The following COG6 variants were observed in gnomAD, a reference collection of about 807,000 sequenced individuals.
COG6 encodes conserved oligomeric Golgi complex subunit 6.
A neutral mutation model predicts 88.8 loss-of-function variants in COG6; 74 were observed. The observed-to-expected ratio is 0.83, with a 90% CI of 0.69 to 1.01. The LOEUF is 1.01. Ranked by LOEUF, COG6 falls within the 50% of genes least tolerant of loss-of-function variation. The pLI is 0.00. For synonymous variants in COG6, 286 were observed against 278.7 expected, an observed-to-expected ratio of 1.03 and a Z score of -0.26; for missense variants, 800 against 797.9, an observed-to-expected ratio of 1.00 and a Z score of -0.03.
At chr13:39,758,304 A>G (rs1880910673) in intron 18 of COG6, among the ~76,000 whole-genome samples, 1 of 149,996 alleles carries the variant, frequency 6.7e-6, no homozygotes, top group Admixed American at 6.7e-5. Flanking sequence ...AGATTGCTGG[A>G]GGCCAGGAAT....
chr13:39,723,840 G>A (rs1344668418), intron 16 of COG6, among the ~76,000 whole-genome samples: 1 of 151,972 alleles, frequency 6.6e-6, no homozygotes, highest in Admixed American at 6.6e-5. Context: ...TGAATGCATA[G>A]ATTACTGTAT....
rs1878741039 is a variant in COG6 at position 39,719,671 on chromosome 13, T to C, written c.1428T>C (p.Cys476=). 6.2e-7 allele frequency: 1 copy of C among 1,612,436 alleles called. No homozygotes were observed. Among genetic ancestry groups the C allele is most frequent in the East Asian group, 2.2e-5 (1 of 44,832 alleles). ...TTTTTCATTTGTAGGTTTTATCATG[T>C]GTCTTGGATCCTCTCCTACAGATGT... ...RQADFVQVLS[C]VLDPLLQMCT... Residue 476 remains cysteine, a synonymous_variant, in exon 15 of 19, where the codon TGT becomes TGC. Transcript: ENST00000455146.
At chr13:39,733,531 T>C (rs988144071) in intron 18 of COG6, among the ~76,000 whole-genome samples, 2 of 151,924 alleles carry the variant, frequency 1.3e-5, no homozygotes, top group Non-Finnish European at 2.9e-5. Flanking sequence ...TGCTTTTCTC[T>C]ATTATTTTGA....
At chr13:39,656,337 C>A in intron 1 of COG6, 3 of 359,616 alleles carry the variant, frequency 8.3e-6, no homozygotes, top group South Asian at 2.1e-5. Flanking sequence ...TGCATTTCCA[C>A]GGACAAGTGA....
chr13:39,699,077 A>G (rs1422759736), intron 12 of COG6, among the ~76,000 whole-genome samples: 1 of 151,872 alleles, frequency 6.6e-6, no homozygotes, highest in Non-Finnish European at 1.5e-5. Context: ...AGTTTTAATT[A>G]AAAGAATAAC....
intron 4 of COG6, among the ~76,000 whole-genome samples, chr13:39,676,439 A>G (rs764526773): frequency 6.6e-6 from 1 of 152,140 alleles, no homozygotes; most frequent in Non-Finnish European, 1.5e-5. Context: ...AGAACATGAC[A>G]TTTAAATCTG....
In COG6 at chr13:39,752,552, G is replaced by A; in HGVS notation, c.*1459G>A. The stretch of plus-strand genomic sequence containing the variant: ...AGAAAGAAGATTGATACCTTGCTAT[G>A]AGTGAATTCCTTTGTTTTATAGGGA... On this transcript the variant is annotated 3_prime_UTR_variant, in exon 19 of 19. Coordinates refer to ENST00000455146, the MANE Select transcript of COG6 (RefSeq NM_020751.3). 8.0e-7 allele frequency: 1 copy of A among 1,242,814 alleles called. No homozygotes were observed. The highest frequency in any genetic ancestry group is 1.0e-6 in the Non-Finnish European group (1 of 953,204). 77.0% of individuals were successfully genotyped at this position (1,242,814 alleles called of 1,614,324 possible). A position where few individuals can be genotyped will look rare whatever the true frequency, so the allele number is the denominator to read the frequency against.
intron 18 of COG6, among the ~76,000 whole-genome samples, chr13:39,768,914 T>G (rs145986027): frequency 6.6e-6 from 1 of 152,290 alleles, no homozygotes; most frequent in African/African-American, 2.4e-5. Context: ...CTTGATTTTT[T>G]TAAGGTTTTA....
chr13:39,767,520 A>G (rs1881200732), intron 18 of COG6, among the ~76,000 whole-genome samples: 1 of 152,142 alleles, frequency 6.6e-6, no homozygotes, highest in African/African-American at 2.4e-5. Context: ...GGAGGTGGCA[A>G]TGGCAGGAAA....
downstream of COG6, among the ~76,000 whole-genome samples, chr13:39,755,899 A>AT (rs1383184322): frequency 2.6e-5 from 4 of 152,220 alleles, no homozygotes; most frequent in African/African-American, 4.8e-5. Flanking sequence ...AAGAATGTAG[A>AT]TTTTACAGAA....
chr13:39,725,004 C>CT (rs1264787308), intron 17 of COG6, among the ~76,000 whole-genome samples: 3 of 151,880 alleles, frequency 2.0e-5, no homozygotes, highest in Admixed American at 6.6e-5. Context: ...TGAATTTCCA[C>CT]TTTATTACCT....
chr13:39,714,283 G>C (rs1417436460), intron 13 of COG6, among the ~76,000 whole-genome samples: 1 of 151,206 alleles, frequency 6.6e-6, no homozygotes, highest in South Asian at 2.1e-4. Flanking sequence ...AAATAAATGG[G>C]ATCTAATTAA....
chr13:39,701,162 A>G (rs1401177407), intron 13 of COG6, among the ~76,000 whole-genome samples: 1 of 151,864 alleles, frequency 6.6e-6, no homozygotes, highest in Non-Finnish European at 1.5e-5. Context: ...CATGAAGGGT[A>G]AAGGTAAAAT....
At chr13:39,790,229 T>C (rs1881900197) in exon 19 of COG6, 1 of 150,540 alleles carries the variant, frequency 6.6e-6, no homozygotes, top group Admixed American at 6.6e-5. Context: ...AATTATGTAA[T>C]TTGTTTTTCT....
At chr13:39,678,018 T>TCTTTATC (rs1314757011) in intron 5 of COG6, 8 of 440,934 alleles carry the variant, frequency 1.8e-5, no homozygotes, top group Non-Finnish European at 3.2e-5. Flanking sequence ...ACATATGTTC[T>TCTTTATC]CTTTATCTCC....
At chr13:39,790,222 T>G (rs111288260) in exon 19 of COG6, 2 of 152,094 alleles carry the variant, frequency 1.3e-5, no homozygotes, top group Non-Finnish European at 2.9e-5. Context: ...TTGAACAAAT[T>G]ATGTAATTTG....
At chr13:39,701,780 C>T (rs540860148) in intron 13 of COG6, among the ~76,000 whole-genome samples, 14 of 151,300 alleles carry the variant, frequency 9.3e-5, no homozygotes, top group East Asian at 1.9e-4. Flanking sequence ...GCATATTACC[C>T]AAAGCTTTAC....
rs1473263538 is a variant in COG6, at chr13:39,723,361, A to G, written c.1613A>G (p.Asn538Ser). Residue 538 changes from asparagine (N) to serine (S), a missense_variant, in exon 16 of 19, where the codon AAT becomes AGT. By Grantham distance (46) the Asn-to-Ser change is conservative. Coordinates refer to ENST00000455146, the MANE Select transcript of COG6 (RefSeq NM_020751.3). Reference sequence around the variant, plus strand: ...GAAGCACATTTGGACACACTTATAAATGAGCAAGCCTCTTATGTTTTAACT... The same window carrying G: ...GAAGCACATTTGGACACACTTATAAGTGAGCAAGCCTCTTATGTTTTAACT... ...QIEAHLDTLI[N>S]EQASYVLTRV... The G allele has an allele frequency of 6.2e-7, 1 of 1,610,818 alleles. No homozygotes were observed. The highest frequency in any genetic ancestry group is 2.2e-5 in the East Asian group (1 of 44,828).
intron 18 of COG6, among the ~76,000 whole-genome samples, chr13:39,761,928 C>T (rs911108022): frequency 4.6e-5 from 7 of 151,652 alleles, no homozygotes; most frequent in Non-Finnish European, 1.0e-4. Flanking sequence ...GTAAATTAGT[C>T]CAGCCACTAT....
Sources: allele counts gnomAD v4.1 joint callset (sites outside exome capture counted in the v4.1 genomes callset), GRCh38; gene constraint gnomAD v4.1.1; transcripts MANE v1.5; gene names NCBI Gene and HGNC (gene_info 2026-07-23, HGNC 2026-07-21).